Variants in SNRNP70 observed in about 807,000 individuals in gnomAD.
The protein encoded by SNRNP70 is small nuclear ribonucleoprotein U1 subunit 70, also known as U1 small nuclear ribonucleoprotein 70 kDa.
A neutral mutation model predicts 50.5 loss-of-function variants in SNRNP70; 8 were observed. The ratio of observed to expected loss-of-function variants is 0.16; its 90% confidence interval spans 0.09 to 0.29. The LOEUF is 0.29. SNRNP70 is among the 10% of genes least tolerant of loss of function. The probability of loss-of-function intolerance (pLI) is 1.00; values close to 1 mark genes in which losing one functional copy is unlikely to be tolerated. For synonymous variants in SNRNP70, 320 were observed against 252.9 expected (o/e 1.27, Z -2.52); for missense variants, 529 against 663.5 (o/e 0.80, Z 2.23).
intron 4 of SNRNP70, among the ~76,000 whole-genome samples, chr19:49,097,012 C>A (rs1394584638): frequency 1.3e-5 from 2 of 151,958 alleles, no homozygotes; most frequent in Non-Finnish European, 2.9e-5. Flanking sequence ...CGCCTGTAAT[C>A]CCAGCTGCTT....
intron 7 of SNRNP70, chr19:49,103,831 C>G (rs1415738659): frequency 1.3e-5 from 2 of 152,904 alleles, no homozygotes; most frequent in African/African-American, 4.8e-5. Context: ...TACGACTCCC[C>G]TTTCCTGGCA....
chr19:49,086,043 C>T (rs972309843), intron 1 of SNRNP70, among the ~76,000 whole-genome samples: 1 of 152,158 alleles, frequency 6.6e-6, no homozygotes, highest in Non-Finnish European at 1.5e-5. Flanking sequence ...CGTAATTTGC[C>T]CTCCACGGCA....
intron 4 of SNRNP70, among the ~76,000 whole-genome samples, chr19:49,094,550 G>T (rs1326136191): frequency 6.6e-6 from 1 of 152,120 alleles, no homozygotes; most frequent in Non-Finnish European, 1.5e-5. Context: ...GTCCGTCCAC[G>T]TGTTGATAAT....
intron 2 of SNRNP70, among the ~76,000 whole-genome samples, chr19:49,089,201 C>T (rs908835947): frequency 6.6e-6 from 1 of 152,188 alleles, no homozygotes; most frequent in Admixed American, 6.5e-5. Flanking sequence ...GAGTTCAAGA[C>T]CAGCCAGGCC....
intron 4 of SNRNP70, among the ~76,000 whole-genome samples, chr19:49,096,951 G>A (rs565744259): frequency 1.4e-3 from 219 of 152,012 alleles, no homozygotes; most frequent in Middle Eastern, 0.01. Context: ...CCAACATGGC[G>A]AAACCCCATC....
chr19:49,101,877 C>CA (rs1555738260), intron 7 of SNRNP70, among the ~76,000 whole-genome samples: 1 of 151,836 alleles, frequency 6.6e-6, no homozygotes, highest in Middle Eastern at 3.2e-3. Flanking sequence ...CTTCCCCCCC[C>CA]AGTAGAACTG....
intron 6 of SNRNP70, among the ~76,000 whole-genome samples, chr19:49,099,964 A>ACG (rs772966219): frequency 1.4e-4 from 21 of 152,112 alleles, no homozygotes; most frequent in Non-Finnish European, 2.1e-4. Flanking sequence ...ACACACACAC[A>ACG]CACACGTTGT....
intron 6 of SNRNP70, among the ~76,000 whole-genome samples, chr19:49,101,086 C>T (rs757312154): frequency 2.0e-4 from 31 of 152,214 alleles, no homozygotes; most frequent in Non-Finnish European, 4.1e-4. Flanking sequence ...AGCCTCCTGC[C>T]CTCCTGCCCC....
rs145295496 is a variant in SNRNP70 at position 49,104,770 on chromosome 19, G to A, written c.577+35G>A. ...TCCTGCCTTCGACGGGCTCTCGGGG[G>A]CCCTGGGCCTGGTGGCCTTGTTCTC... On this transcript the variant is annotated intron_variant, in intron 8 of 9. Coordinates refer to ENST00000598441, the MANE Select transcript of SNRNP70 (RefSeq NM_003089.6). The surrounding 1 kb of genome is among the most constrained non-coding windows in gnomAD (Gnocchi z 5.4). 2.4e-5 allele frequency: 34 copies of A among 1,400,444 alleles called. No homozygotes were observed. The East Asian group carries it at 6.0e-4, about 25-fold the overall frequency. The allele number at this position is 1,400,444 out of a possible 1,614,324, so 86.8% of individuals were successfully genotyped here. A position where few individuals can be genotyped will look rare whatever the true frequency, so the allele number is the denominator to read the frequency against.
Position 49,085,483 on chromosome 19 carries a change from CAG to C in SNRNP70, c.-163_-162del. 2.2e-6 allele frequency: 1 copy of C among 444,634 alleles called. No homozygotes were observed. The highest frequency in any genetic ancestry group is 4.6e-6 in the Non-Finnish European group (1 of 219,352). 27.5% of individuals were successfully genotyped at this position (444,634 alleles called of 1,614,324 possible). On this transcript the variant is annotated 5_prime_UTR_variant, in exon 1 of 10. Coordinates refer to ENST00000598441, the MANE Select transcript of SNRNP70 (RefSeq NM_003089.6). ...ATCGGAGGCCGCGCGGGTGGCTGAG[CAG>C]CGGCCTGGTGCGCTCGCTTAGCGGG...
rs966533040 is a variant in SNRNP70, at chr19:49,108,028, GGCGGGA to G, written c.909_914del (p.Glu304_Arg305del). 2.0e-5 allele frequency: 31 copies of G among 1,547,870 alleles called. No individual in the cohort carries two copies. Among genetic ancestry groups the G allele is most frequent in the East Asian group, 7.3e-5 (3 of 41,188 alleles). On this transcript the variant is annotated inframe_deletion, in exon 10 of 10. Transcript: ENST00000598441. ...AGCAGCCGGAGTCGGGAGCGGGCCC[GGCGGGA>G]GCGGGAGCGCAAGGAGGAGCTGCGT... is the stretch of plus-strand genomic sequence containing the variant.
chr19:49,090,724 A>G, intron 4 of SNRNP70: 1 of 597,324 alleles, frequency 1.7e-6, no homozygotes. Context: ...AAAAGTTGGC[A>G]GGAAGGGAGA....
At position 49,104,557 on chromosome 19, in the gene SNRNP70, C is replaced by T; in HGVS notation, c.476-77C>T. 9.0e-7 allele frequency: 1 copy of T among 1,110,042 alleles called. No homozygotes were observed. 68.8% of individuals were successfully genotyped at this position (1,110,042 alleles called of 1,614,324 possible). Reference sequence around the variant, plus strand: ...ATGATGGGGACACGGGGCGGGGATTCTGTAGAGCTGGGCCTGTCCTGACTA... The same window carrying T: ...ATGATGGGGACACGGGGCGGGGATTTTGTAGAGCTGGGCCTGTCCTGACTA... On this transcript the variant is annotated intron_variant, in intron 7 of 9. Coordinates refer to ENST00000598441, the MANE Select transcript of SNRNP70 (RefSeq NM_003089.6). The surrounding 1 kb of genome is among the most constrained non-coding windows in gnomAD (Gnocchi z 5.4).
At position 49,104,542 on chromosome 19, in the gene SNRNP70, C is replaced by A; in HGVS notation, c.476-92C>A. 1.1e-6 allele frequency: 1 copy of A among 947,070 alleles called. No individual in the cohort carries two copies. The highest frequency in any genetic ancestry group is 1.7e-6 in the Non-Finnish European group (1 of 604,124). 58.7% of individuals were successfully genotyped at this position (947,070 alleles called of 1,614,324 possible). A position where few individuals can be genotyped will look rare whatever the true frequency, so the allele number is the denominator to read the frequency against. ...GTGTGCGTGTGCGTGATGATGGGGA[C>A]ACGGGGCGGGGATTCTGTAGAGCTG... On this transcript the variant is annotated intron_variant, in intron 7 of 9. Transcript: ENST00000598441. This position sits in a 1 kb window ranked among gnomAD's most constrained non-coding sequence, Gnocchi z 5.4.
chr19:49,107,503 G>A lies in SNRNP70; in HGVS notation c.578-122G>A. 1 of 854,436 alleles carries A rather than the reference G, an allele frequency of 1.2e-6. No individual in the cohort carries two copies. The highest frequency in any genetic ancestry group is 1.9e-6 in the Non-Finnish European group (1 of 521,172). 52.9% of individuals were successfully genotyped at this position (854,436 alleles called of 1,614,324 possible). Reference sequence around the variant, plus strand: ...GGGATGAACTGCACGGGGGGACCCGGCCCTGTGAACACTAAGCCAGGGGCT... The same window carrying A: ...GGGATGAACTGCACGGGGGGACCCGACCCTGTGAACACTAAGCCAGGGGCT... On this transcript the variant is annotated intron_variant, in intron 8 of 9. Coordinates refer to ENST00000598441, the MANE Select transcript of SNRNP70 (RefSeq NM_003089.6). This position sits in a 1 kb window ranked among gnomAD's most constrained non-coding sequence, Gnocchi z 6.0.
At chr19:49,090,614 C>T (rs2040436158) in intron 4 of SNRNP70, 94 bp downstream of exon 4, 2 of 1,200,628 alleles carry the variant, frequency 1.7e-6, no homozygotes, top group African/African-American at 1.5e-5. Context: ...TCCCTAAGGC[C>T]TGTGTTGTGG....
chr19:49,096,306 C>T (rs934977810), intron 4 of SNRNP70, among the ~76,000 whole-genome samples: 20 of 151,988 alleles, frequency 1.3e-4, no homozygotes, highest in South Asian at 8.3e-4. Context: ...ATCCGTCCGC[C>T]TTAGCCTCCC....
At chr19:49,098,935 T>TA (rs1242545055) in intron 6 of SNRNP70, among the ~76,000 whole-genome samples, 1 of 152,190 alleles carries the variant, frequency 6.6e-6, no homozygotes, top group African/African-American at 2.4e-5. Flanking sequence ...ACTACAGACT[T>TA]AAAGTTTTCC....
chr19:49,099,055 T>C (rs546209483), intron 6 of SNRNP70, among the ~76,000 whole-genome samples: 2 of 152,338 alleles, frequency 1.3e-5, no homozygotes, highest in Admixed American at 6.5e-5. Context: ...GCTGGAAATA[T>C]CTACTCTCTG....
Sources: gnomAD v4.1 joint callset for allele counts (sites outside exome capture counted in the v4.1 genomes callset) on GRCh38, gnomAD v4.1.1 for gene constraint, Gnocchi (gnomAD v3.1) non-coding constraint, MANE v1.5 for transcripts, NCBI Gene and HGNC (gene_info 2026-07-23, HGNC 2026-07-21) for gene names.